The following MICAL2 variants were observed in gnomAD, a reference collection of about 807,000 sequenced individuals.
MICAL2 encodes the protein microtubule associated monooxygenase, calponin and LIM domain containing 2.
MICAL2 carries 77 observed loss-of-function variants against 127.3 expected under a neutral mutation model. The observed-to-expected ratio is 0.60, with a 90% CI of 0.50 to 0.73. The LOEUF is 0.73. MICAL2 is among the 30% of genes least tolerant of loss of function. MICAL2 has a pLI of 0.00. For synonymous variants in MICAL2, 570 were observed against 551.1 expected (o/e 1.03, Z -0.48); for missense variants, 1,351 against 1,434.4 (o/e 0.94, Z 0.94).
intron 1 of MICAL2, among the ~76,000 whole-genome samples, chr11:12,279,814 T>G: frequency 6.6e-6 from 1 of 152,188 alleles, no homozygotes. Flanking sequence ...CTCCAGCTGC[T>G]ACTCCCACAT....
chr11:12,144,483 A>G (rs1304113086), intron 2 of MICAL2, among the ~76,000 whole-genome samples: 1 of 152,100 alleles, frequency 6.6e-6, no homozygotes, highest in Non-Finnish European at 1.5e-5. Flanking sequence ...CCTGGAACCT[A>G]TGACCCAGCC....
chr11:12,338,988 C>T lies in MICAL2; in HGVS notation c.5516-10850C>T, dbSNP rs375010334. Among the ~76,000 whole-genome samples, 8 of 152,232 alleles carry T rather than the reference C, an allele frequency of 5.3e-5. No homozygotes were observed. The East Asian group carries it at 7.7e-4, about 15-fold the overall frequency. ...GCGGCATTCTCTGTATTTCCTGAAT[C>T]TGAATGTTGGCCTGCCTTGCTAGAT... On this transcript the variant is annotated intron_variant, in intron 32 of 34. Transcript: ENST00000646065.
At chr11:12,159,701 G>A (rs1215205223) in intron 2 of MICAL2, among the ~76,000 whole-genome samples, 2 of 152,194 alleles carry the variant, frequency 1.3e-5, no homozygotes, top group Admixed American at 6.5e-5. Flanking sequence ...TCAATGCTGG[G>A]CACAGAAGTG....
rs201234311 is a variant in MICAL2 at position 12,341,444 on chromosome 11, CA to C, written c.5516-8385del. Among the ~76,000 whole-genome samples, 332 of 126,992 alleles carry C rather than the reference CA, an allele frequency of 2.6e-3. 2 individuals are homozygous for C. The highest frequency in any genetic ancestry group is 8.9e-3 in the African/African-American group (317 of 35,562). 83.3% of individuals were successfully genotyped at this position (126,992 alleles called of 152,430 possible). ...TCAGAGAAGCCTTCAGCATTACCTA[CA>C]AAAAAAAAGGTTAAAAACAAACAAA... On this transcript the variant is annotated intron_variant, in intron 32 of 34. Transcript: ENST00000646065.
intron 2 of MICAL2, among the ~76,000 whole-genome samples, chr11:12,286,707 A>C (rs1413863123): frequency 1.3e-5 from 2 of 152,134 alleles, no homozygotes; most frequent in East Asian, 3.9e-4. Flanking sequence ...TGTCTCTATA[A>C]AAAATAAAAA....
chr11:12,260,843 C>G (rs529108412), intron 26 of MICAL2: 1 of 985,462 alleles, frequency 1.0e-6, no homozygotes, highest in Admixed American at 6.1e-5. Flanking sequence ...GCTTTCCCCC[C>G]CATACCAACT....
At chr11:12,275,655 T>C (rs1863716231), upstream of MICAL2, among the ~76,000 whole-genome samples, 1 of 152,200 alleles carries the variant, frequency 6.6e-6, no homozygotes, top group Non-Finnish European at 1.5e-5. Flanking sequence ...TACCACTGGA[T>C]TTAGCAACAT....
In MICAL2 at chr11:12,259,886, G is replaced by T; in HGVS notation, c.3323G>T (p.Gly1108Val). 1.9e-6 allele frequency: 3 copies of T among 1,612,696 alleles called. No individual in the cohort carries two copies. Among genetic ancestry groups the T allele is most frequent in the Non-Finnish European group, 2.5e-6 (3 of 1,179,074 alleles). ...GTGGCCGCCATTGGCACCCTGGAAG[G>T]CAGCCCCCCAGGTATCTCCACCTCC... ...CAVAAIGTLE[G>V]SPPVHFSLPV... Residue 1108 changes from glycine to valine, a missense_variant, in exon 26 of 28, where the codon GGC (glycine) becomes GTC (valine). Physicochemically the swap from Gly to Val is moderately radical, Grantham distance 109. This residue lies in a region of MICAL2 where 752 missense variants were observed against 719.4 expected (regional missense o/e 1.05). Coordinates refer to ENST00000683283, the MANE Select transcript of MICAL2 (RefSeq NM_001282663.2).
chr11:12,116,858 A>T (rs1007144184), intron 1 of MICAL2: 1 of 152,114 alleles, frequency 6.6e-6, no homozygotes, highest in East Asian at 1.9e-4. Flanking sequence ...TTGCGTCTAA[A>T]CATCACTACC....
At chr11:12,142,043 G>A (rs1852402114) in intron 2 of MICAL2, among the ~76,000 whole-genome samples, 1 of 152,242 alleles carries the variant, frequency 6.6e-6, no homozygotes, top group East Asian at 1.9e-4. Context: ...GCGCAAGCTG[G>A]TGGTAGAAGT....
intron 6 of MICAL2, 117 bp from the exon 7 acceptor site, chr11:12,213,138 C>G: frequency 8.1e-7 from 1 of 1,233,366 alleles, no homozygotes; most frequent in Non-Finnish European, 1.1e-6. Context: ...ACTAGAGATC[C>G]AGAATCCTGG....
At chr11:12,130,735 G>A (rs1192276331) in intron 1 of MICAL2, among the ~76,000 whole-genome samples, 1 of 152,168 alleles carries the variant, frequency 6.6e-6, no homozygotes, top group Non-Finnish European at 1.5e-5. Flanking sequence ...AGGCTCTGAG[G>A]GTGGTGCTTC....
chr11:12,185,911 G>C (rs1858185412), intron 3 of MICAL2, among the ~76,000 whole-genome samples: 1 of 152,204 alleles, frequency 6.6e-6, no homozygotes, highest in African/African-American at 2.4e-5. Context: ...CCGAGGCTTT[G>C]AAACTCTCTT....
chr11:12,298,186 A>G (rs1864008913), intron 29 of MICAL2, among the ~76,000 whole-genome samples: 1 of 151,972 alleles, frequency 6.6e-6, no homozygotes, highest in Admixed American at 6.5e-5. Flanking sequence ...CCTCAGGAAT[A>G]TTTTACACTT....
intron 13 of MICAL2, among the ~76,000 whole-genome samples, chr11:12,225,067 C>A (rs1857252438): frequency 6.7e-6 from 1 of 149,806 alleles, no homozygotes; most frequent in South Asian, 2.2e-4. Flanking sequence ...CCTCACCCCC[C>A]ACTACCCTTC....
rs962793280 is a variant in MICAL2, at chr11:12,224,562, T to C, written c.1541-111T>C. 11 of 1,452,574 alleles carry C rather than the reference T, an allele frequency of 7.6e-6. No individual in the cohort carries two copies. In the African/African-American group the frequency reaches 1.5e-4, roughly 20 times the overall value. 90.0% of individuals were successfully genotyped at this position (1,452,574 alleles called of 1,614,324 possible). ...TGGCCCCCTGCCCTGGCCCCTTGCC[T>C]TGGGGCCGCTCGTCCTGGTCCCCAG... On this transcript the variant is annotated intron_variant, in intron 12 of 27. Coordinates refer to ENST00000683283, the MANE Select transcript of MICAL2 (RefSeq NM_001282663.2).
chr11:12,200,745 GTTTAGCCAAGAGAATCAGAAACTGTA>G lies in MICAL2; in HGVS notation c.265-3504_265-3479del, dbSNP rs537837340. ...CGAGCTTTCGCCAATGGGATTTTAG[GTTTAGCCAAGAGAATCAGAAACTGTA>G]CACCAGCTACTGTTTGCGTGCAAAA... On this transcript the variant is annotated intron_variant, in intron 3 of 27. Coordinates refer to ENST00000683283, the MANE Select transcript of MICAL2 (RefSeq NM_001282663.2). 8.0e-3 allele frequency among the ~76,000 whole-genome samples: 1,214 copies of G among 152,322 alleles called. 20 individuals carry two copies. Among genetic ancestry groups the G allele is most frequent in the African/African-American group, 0.028 (1,169 of 41,560 alleles).
chr11:12,111,327 C>G (rs1849590496), intron 1 of MICAL2, among the ~76,000 whole-genome samples: 1 of 152,240 alleles, frequency 6.6e-6, no homozygotes, highest in Non-Finnish European at 1.5e-5. Context: ...TCGCGTCTCC[C>G]GCATCCCCAG....
intron 1 of MICAL2, among the ~76,000 whole-genome samples, chr11:12,131,905 A>G (rs370559235): frequency 6.6e-6 from 1 of 152,252 alleles, no homozygotes; most frequent in African/African-American, 2.4e-5. Flanking sequence ...ACACAGGTCC[A>G]GGCTCATAGT....
Sources: allele counts gnomAD v4.1 joint callset (sites outside exome capture counted in the v4.1 genomes callset), GRCh38; gene constraint gnomAD v4.1.1; regional missense constraint gnomAD v4.1.1; transcripts MANE v1.5; gene names NCBI Gene and HGNC (gene_info 2026-07-23, HGNC 2026-07-21).